The following CSMD2 variants were observed in gnomAD, a reference collection of about 807,000 sequenced individuals.
CSMD2 encodes the protein CUB and Sushi multiple domains 2.
A neutral mutation model predicts 398.5 loss-of-function variants in CSMD2; 130 were observed. The ratio of observed to expected loss-of-function variants is 0.33; its 90% CI spans 0.28 to 0.38. CSMD2 has a LOEUF of 0.38. Ranked by LOEUF, CSMD2 falls within the 10% of genes least tolerant of loss-of-function variation. The probability of loss-of-function intolerance (pLI) is 1.00; values close to 1 mark genes in which losing one functional copy is unlikely to be tolerated. For synonymous variants in CSMD2, 1,828 were observed against 1,908.5 expected, an observed-to-expected ratio of 0.96 and a Z score of 1.10; for missense variants, 3,829 against 4,764.9, an observed-to-expected ratio of 0.80 and a Z score of 5.78.
intron 1 of CSMD2, among the ~76,000 whole-genome samples, chr1:34,135,242 T>TCACACACACACACACA (rs66898227): frequency 2.2e-5 from 3 of 135,602 alleles, no homozygotes; most frequent in Admixed American, 7.1e-5. Context: ...CATGTTGAAA[T>TCACACACACACACACA]CACACACACA....
At chr1:33,931,170 G>A (rs928039399) in intron 4 of CSMD2, among the ~76,000 whole-genome samples, 8 of 152,126 alleles carry the variant, frequency 5.3e-5, no homozygotes, top group Non-Finnish European at 7.3e-5. Flanking sequence ...AAATATTTAC[G>A]GACCACTGCC....
chr1:33,652,206 C>T, intron 28 of CSMD2, 117 bp downstream of exon 28: 2 of 1,062,628 alleles, frequency 1.9e-6, no homozygotes, highest in East Asian at 2.4e-5. Flanking sequence ...GGCTTCTTCA[C>T]CTCCCTGGAG....
intron 3 of CSMD2, among the ~76,000 whole-genome samples, chr1:33,947,914 G>A (rs1044998791): frequency 6.6e-6 from 1 of 152,216 alleles, no homozygotes; most frequent in Non-Finnish European, 1.5e-5. Context: ...CAGAGAGGGT[G>A]AGTCACTTGC....
chr1:33,726,731 G>A (rs963576617), intron 15 of CSMD2, 46 bp from the exon 16 acceptor site: 1 of 1,565,368 alleles, frequency 6.4e-7, no homozygotes, highest in African/African-American at 1.4e-5. Flanking sequence ...AGGGACAAAT[G>A]AGTAAACAAA....
At chr1:33,811,938 G>GA (rs1156372097) in intron 9 of CSMD2, among the ~76,000 whole-genome samples, 1 of 152,170 alleles carries the variant, frequency 6.6e-6, no homozygotes, top group African/African-American at 2.4e-5. Flanking sequence ...TATATAAAAT[G>GA]AAAGTGGTGT....
intron 49 of CSMD2, among the ~76,000 whole-genome samples, 167 bp from the exon 50 acceptor site, chr1:33,572,858 T>C (rs1049113395): frequency 3.6e-5 from 4 of 111,546 alleles, no homozygotes; most frequent in African/African-American, 1.4e-4. Flanking sequence ...AGAAGAGTTT[T>C]TTCTTCTTTT....
chr1:33,902,738 C>A (rs1642838306), intron 5 of CSMD2, among the ~76,000 whole-genome samples: 1 of 152,204 alleles, frequency 6.6e-6, no homozygotes, highest in Non-Finnish European at 1.5e-5. Context: ...ACATGCAGGA[C>A]TGGCTCTGGA....
intron 1 of CSMD2, among the ~76,000 whole-genome samples, chr1:34,150,075 C>CTTCTT (rs1640148040): frequency 1.7e-5 from 2 of 119,624 alleles, no homozygotes; most frequent in African/African-American, 5.8e-5. Flanking sequence ...CATTTTTCTT[C>CTTCTT]TTTCTTTTTT....
At chr1:33,708,417 C>T (rs189012664) in intron 22 of CSMD2, among the ~76,000 whole-genome samples, 39 of 152,054 alleles carry the variant, frequency 2.6e-4, no homozygotes, top group Admixed American at 1.5e-3. Flanking sequence ...ACATGGACAC[C>T]GATTCACACA....
At position 33,614,612 on chromosome 1, in the gene CSMD2, C is replaced by T. The variant is rs770065504; in HGVS notation, c.6025G>A (p.Gly2009Arg). 3 of 1,598,524 alleles carry T rather than the reference C, an allele frequency of 1.9e-6. No individual in the cohort carries two copies. Among genetic ancestry groups the T allele is most frequent in the East Asian group, 2.2e-5 (1 of 44,802 alleles). ...YPPPLCIAQCGGTVEEMEGVI... is the reference protein window; with the variant it reads ...YPPPLCIAQCRGTVEEMEGVI... Reference sequence around the variant, plus strand: ...CCCTCCATCTCCTCCACTGTTCCCCCACACTGTGCTGTGACAATGAGATGA... The same window carrying T: ...CCCTCCATCTCCTCCACTGTTCCCCTACACTGTGCTGTGACAATGAGATGA... The change falls in exon 40 of 71, where the codon GGG becomes AGG. Residue 2009 changes from glycine to arginine, a missense_variant. Coordinates refer to ENST00000373381, the MANE Select transcript of CSMD2 (RefSeq NM_001281956.2).
At chr1:34,137,779 T>A (rs1365669799) in intron 1 of CSMD2, among the ~76,000 whole-genome samples, 1 of 152,224 alleles carries the variant, frequency 6.6e-6, no homozygotes, top group Non-Finnish European at 1.5e-5. Context: ...ACTTGTCAAG[T>A]GCTTTCTATT....
At chr1:33,746,231 G>A (rs944522261) in intron 13 of CSMD2, among the ~76,000 whole-genome samples, 2 of 152,152 alleles carry the variant, frequency 1.3e-5, no homozygotes, top group Non-Finnish European at 2.9e-5. Flanking sequence ...CTTGTCTCCA[G>A]CTTTGTGGGA....
chr1:33,840,507 C>T (rs1279974813), intron 6 of CSMD2, among the ~76,000 whole-genome samples: 1 of 152,232 alleles, frequency 6.6e-6, no homozygotes, highest in Non-Finnish European at 1.5e-5. Context: ...GTTCTTCTAG[C>T]TGTTGCCCCA....
chr1:33,556,792 T>C (rs1236559810), intron 55 of CSMD2, among the ~76,000 whole-genome samples: 1 of 152,224 alleles, frequency 6.6e-6, no homozygotes, highest in Non-Finnish European at 1.5e-5. Context: ...TGAGTTTTCA[T>C]AAGATCTGAT....
chr1:33,910,725 G>C (rs954528201), intron 5 of CSMD2, among the ~76,000 whole-genome samples: 1 of 152,210 alleles, frequency 6.6e-6, no homozygotes, highest in African/African-American at 2.4e-5. Context: ...AGGGAGCTGA[G>C]GGTGGTCCCC....
intron 3 of CSMD2, among the ~76,000 whole-genome samples, chr1:34,018,024 T>C (rs938510167): frequency 6.6e-6 from 1 of 151,790 alleles, no homozygotes; most frequent in African/African-American, 2.4e-5. Context: ...TGAGTAGCCA[T>C]AAAGAGGAAC....
chr1:33,698,440 G>A (rs1645493884), intron 24 of CSMD2, among the ~76,000 whole-genome samples: 1 of 152,138 alleles, frequency 6.6e-6, no homozygotes, highest in African/African-American at 2.4e-5. Flanking sequence ...CTTTCTAATG[G>A]ACTCTCCCAC....
chr1:34,026,691 G>A (rs958179154), intron 3 of CSMD2, among the ~76,000 whole-genome samples: 7 of 152,224 alleles, frequency 4.6e-5, no homozygotes, highest in Admixed American at 4.6e-4. Flanking sequence ...GATCAGTCTG[G>A]AATAATCGGA....
In CSMD2 at chr1:33,586,582, T is replaced by A; in HGVS notation, c.6973A>T (p.Thr2325Ser). 2.5e-6 allele frequency: 4 copies of A among 1,613,632 alleles called. No homozygotes were observed. Among genetic ancestry groups the A allele is most frequent in the Non-Finnish European group, 3.4e-6 (4 of 1,179,714 alleles). ...GTCAGAATTTCATTCCCCACTAAGG[T>A]AAAGCCAGGGAGGCATCTGTAGCGT... The part of the protein sequence containing the change: ...IVRYRCLPGF[T>S]LVGNEILTCK... The change falls in exon 46 of 71, where the codon ACC (threonine) becomes TCC (serine). Residue 2325 changes from threonine to serine, a missense_variant. Physicochemically the swap from Thr to Ser is moderately conservative, Grantham distance 58. Transcript: ENST00000373381.
Sources: allele counts gnomAD v4.1 joint callset (sites outside exome capture counted in the v4.1 genomes callset), GRCh38; gene constraint gnomAD v4.1.1; transcripts MANE v1.5; gene names NCBI Gene and HGNC (gene_info 2026-07-23, HGNC 2026-07-21).